SPATA13: variants seen among roughly 807,000 people sequenced by gnomAD.
SPATA13 encodes the protein spermatogenesis-associated protein 13.
In SPATA13, 50 loss-of-function variants were observed where a neutral mutation model predicts 104.0. The ratio of observed to expected loss-of-function variants is 0.48; its 90% CI spans 0.38 to 0.61. SPATA13 has a LOEUF of 0.61. Ranked by LOEUF, SPATA13 falls within the 20% of genes least tolerant of loss-of-function variation. The pLI is 0.00. For synonymous variants in SPATA13, 606 were observed against 667.5 expected, an observed-to-expected ratio of 0.91 and a Z score of 1.42; for missense variants, 1,524 against 1,690.6, an observed-to-expected ratio of 0.90 and a Z score of 1.73.
At chr13:24,114,825 G>A (rs1455391952) in intron 3 of SPATA13, among the ~76,000 whole-genome samples, 1 of 152,084 alleles carries the variant, frequency 6.6e-6, no homozygotes, top group East Asian at 1.9e-4. Context: ...ACCACGCCTG[G>A]CTAATTTTGT....
intron 3 of SPATA13, among the ~76,000 whole-genome samples, chr13:24,079,002 TA>T (rs1457899245): frequency 6.6e-6 from 1 of 152,176 alleles, no homozygotes. Context: ...GGAATTGTTC[TA>T]AAGGAAGATG....
chr13:24,236,582 G>A (rs985705761), intron 2 of SPATA13, among the ~76,000 whole-genome samples: 16 of 134,386 alleles, frequency 1.2e-4, no homozygotes, highest in Non-Finnish European at 2.2e-4. Context: ...GGTGACAGAG[G>A]GAGACTCCAT....
intron 1 of SPATA13, among the ~76,000 whole-genome samples, chr13:23,983,043 T>G (rs1007998900): frequency 6.6e-6 from 1 of 152,056 alleles, no homozygotes; most frequent in Non-Finnish European, 1.5e-5. Flanking sequence ...TGAAGTGAGA[T>G]TGAGAAGGAA....
chr13:24,065,370 G>T (rs1878918588), intron 3 of SPATA13, among the ~76,000 whole-genome samples: 1 of 152,082 alleles, frequency 6.6e-6, no homozygotes, highest in East Asian at 1.9e-4. Context: ...GTGTGGGAGG[G>T]CTGTGAGCCT....
chr13:24,175,590 G>A (rs903375269), intron 1 of SPATA13, among the ~76,000 whole-genome samples: 46 of 152,296 alleles, frequency 3.0e-4, no homozygotes, highest in African/African-American at 1.1e-3. Flanking sequence ...ATTTCTTGTT[G>A]AGTAATGTTT....
chr13:24,223,869 G>A lies in SPATA13; in HGVS notation c.940G>A (p.Ala314Thr). Residue 314 changes from alanine (A) to threonine (T), a missense_variant, in exon 2 of 13, where the codon GCC becomes ACC. By Grantham distance (58) the Ala-to-Thr change is moderately conservative. Transcript: ENST00000382108. ...CAAACGCTGGAGGAGCCCGATAAGG[G>A]CCAAGGACTTTGACAGAGTCTTCAA... Reference protein sequence around the residue: ...RTKRWRSPIRAKDFDRVFKLV... With the variant: ...RTKRWRSPIRTKDFDRVFKLV... 1 of 1,551,728 alleles carries A rather than the reference G, an allele frequency of 6.4e-7. No individual in the cohort carries two copies. The highest frequency in any genetic ancestry group is 1.4e-5 in the African/African-American group (1 of 73,168).
chr13:24,180,780 T>C (rs1868749454), intron 1 of SPATA13, among the ~76,000 whole-genome samples: 1 of 152,230 alleles, frequency 6.6e-6, no homozygotes, highest in Non-Finnish European at 1.5e-5. Flanking sequence ...TGATTATTGA[T>C]TGCAAGTCTA....
chr13:24,251,593 G>A (rs189343290), intron 3 of SPATA13, 125 bp from the exon 4 acceptor site: 59 of 1,508,928 alleles, frequency 3.9e-5, no homozygotes, highest in Non-Finnish European at 5.2e-5. Context: ...GCAACTCGTG[G>A]CAGGATTGGA....
intron 1 of SPATA13, among the ~76,000 whole-genome samples, chr13:24,214,582 C>A (rs1340293417): frequency 6.6e-6 from 1 of 152,172 alleles, no homozygotes; most frequent in Non-Finnish European, 1.5e-5. Flanking sequence ...AAGCAAAGAA[C>A]CCTGACCCCA....
intron 1 of SPATA13, among the ~76,000 whole-genome samples, chr13:24,191,123 A>T (rs540861893): frequency 6.6e-6 from 1 of 152,204 alleles, no homozygotes; most frequent in South Asian, 2.1e-4. Flanking sequence ...TTTTAAATTT[A>T]TTAATTAAAT....
At chr13:24,180,040 G>T (rs1038872385) in intron 1 of SPATA13, among the ~76,000 whole-genome samples, 1 of 151,912 alleles carries the variant, frequency 6.6e-6, no homozygotes, top group Non-Finnish European at 1.5e-5. Context: ...TTGTTTTTTG[G>T]TTGGCTGTGC....
At chr13:24,028,013 T>C (rs2062386587) in intron 3 of SPATA13, among the ~76,000 whole-genome samples, 1 of 152,250 alleles carries the variant, frequency 6.6e-6, no homozygotes, top group African/African-American at 2.4e-5. Flanking sequence ...ATTTCTATTA[T>C]ATTTTTCTTT....
At chr13:23,981,966 T>A (rs930827428) in intron 1 of SPATA13, among the ~76,000 whole-genome samples, 1 of 152,246 alleles carries the variant, frequency 6.6e-6, no homozygotes, top group African/African-American at 2.4e-5. Context: ...TTCTTCCAAC[T>A]GGAATGTTGT....
At chr13:24,294,624 A>G in intron 9 of SPATA13, 115 bp from the exon 10 acceptor site, 2 of 1,172,350 alleles carry the variant, frequency 1.7e-6, no homozygotes, top group Non-Finnish European at 2.3e-6. Flanking sequence ...TAATGACGTA[A>G]ATGTCACTTT....
intron 2 of SPATA13, among the ~76,000 whole-genome samples, chr13:23,984,931 C>G (rs1045642873): frequency 1.3e-5 from 2 of 152,230 alleles, no homozygotes; most frequent in African/African-American, 4.8e-5. Context: ...AGCCAGAAAT[C>G]TGTGTAACCG....
intron 3 of SPATA13, among the ~76,000 whole-genome samples, chr13:24,078,782 G>T (rs9551055): frequency 0.21 from 31,909 of 152,146 alleles, 3,540 homozygotes; most frequent in South Asian, 0.39. Context: ...TATCCCAGTT[G>T]TGTGATGGGG....
chr13:24,038,824 C>A (rs1877812399), intron 3 of SPATA13, among the ~76,000 whole-genome samples: 1 of 152,126 alleles, frequency 6.6e-6, no homozygotes, highest in African/African-American at 2.4e-5. Flanking sequence ...AGCACAACAT[C>A]AAAAAATTGG....
chr13:24,234,120 A>C (rs187868716), intron 2 of SPATA13, among the ~76,000 whole-genome samples: 31 of 152,260 alleles, frequency 2.0e-4, no homozygotes, highest in African/African-American at 7.2e-4. Flanking sequence ...CTAAATGCCA[A>C]CTCTTATAGA....
intron 2 of SPATA13, among the ~76,000 whole-genome samples, chr13:23,993,179 C>T (rs1261068283): frequency 6.6e-6 from 1 of 152,194 alleles, no homozygotes; most frequent in East Asian, 1.9e-4. Context: ...AAGGCTTGGC[C>T]CACTGTGGCA....
Sources: gnomAD v4.1 joint callset for allele counts (sites outside exome capture counted in the v4.1 genomes callset) on GRCh38, gnomAD v4.1.1 for gene constraint, MANE v1.5 for transcripts, NCBI Gene and HGNC (gene_info 2026-07-23, HGNC 2026-07-21) for gene names.